The following KRTAP10-3 variants were observed in gnomAD, a reference collection of about 807,000 sequenced individuals.
The protein encoded by KRTAP10-3 is keratin associated protein 10-3.
For missense variants in KRTAP10-3, 341 were observed against 293.4 expected, an observed-to-expected ratio of 1.16 and a Z score of -1.19; for synonymous variants, 151 against 126.2, an observed-to-expected ratio of 1.20 and a Z score of -1.32.
chr21:44,557,908 G>T lies in KRTAP10-3; in HGVS notation c.*142C>A. On this transcript the variant is annotated 3_prime_UTR_variant, in exon 1 of 1. Coordinates refer to ENST00000391620, the MANE Select transcript of KRTAP10-3 (RefSeq NM_198696.3). ...TGTGGGAGAGATGCATGCCTGGAGG[G>T]AATCGGCATGAAAGCTCAGCATTGC... 1 of 980,922 alleles carries T rather than the reference G, an allele frequency of 1.0e-6. No individual in the cohort carries two copies. Among genetic ancestry groups the T allele is most frequent in the Non-Finnish European group, 1.5e-6 (1 of 668,604 alleles). 60.8% of individuals were successfully genotyped at this position (980,922 alleles called of 1,614,324 possible).
In KRTAP10-3 at chr21:44,558,350, G is replaced by A. The variant is rs371081409; in HGVS notation, c.366C>T (p.Pro122=). The stretch of plus-strand genomic sequence containing the variant: ...CAGAGCAGACGGGCACACAGCAGAT[G>A]GGCTTGCAGCAGACAGGCTTGCAGC... The part of the protein sequence containing the change: ...PVCCKPVCCK[P]ICCVPVCSGA... The change falls in exon 1 of 1, where the codon CCC becomes CCT. Residue 122 remains proline, a synonymous_variant. Coordinates refer to ENST00000391620, the MANE Select transcript of KRTAP10-3 (RefSeq NM_198696.3). 16 of 1,613,370 alleles carry A rather than the reference G, an allele frequency of 9.9e-6. No individual in the cohort carries two copies. The African/African-American group carries it at 2.0e-4, about 20-fold the overall frequency.
In KRTAP10-3 at chr21:44,558,674, A is replaced by G. The variant is rs74513898; in HGVS notation, c.42T>C (p.Ser14=). 5,618 of 1,613,044 alleles carry G rather than the reference A, an allele frequency of 3.5e-3. 43 individuals carry two copies. Among genetic ancestry groups the G allele is most frequent in the African/African-American group, 0.033 (2,478 of 74,998 alleles). ...STMSVCSSAY[S]DSWQVDACPE... is the part of the protein sequence containing the mutation. Reference sequence around the variant, plus strand: ...GGCAGGCGTCCACCTGCCAGGAGTCAGAGTAAGCGCTGGAGCAGACGGACA... The same window carrying G: ...GGCAGGCGTCCACCTGCCAGGAGTCGGAGTAAGCGCTGGAGCAGACGGACA... Residue 14 remains serine (S), a synonymous_variant, in exon 1 of 1, where the codon TCT becomes TCC. Coordinates refer to ENST00000391620, the MANE Select transcript of KRTAP10-3 (RefSeq NM_198696.3).
At position 44,558,012 on chromosome 21, in the gene KRTAP10-3, T is replaced by C; in HGVS notation, c.*38A>G. The C allele has an allele frequency of 6.4e-7, 1 of 1,571,568 alleles. No individual in the cohort carries two copies. Among genetic ancestry groups the C allele is most frequent in the Non-Finnish European group, 8.6e-7 (1 of 1,157,904 alleles). ...TGCAAGGATTTTCGGAAGTCAGAGA[T>C]GGCCCTGGAACAACTCTGGAGAAAC... On this transcript the variant is annotated 3_prime_UTR_variant, in exon 1 of 1. Coordinates refer to ENST00000391620, the MANE Select transcript of KRTAP10-3 (RefSeq NM_198696.3).
At position 44,558,133 on chromosome 21, in the gene KRTAP10-3, C is replaced by T. The variant is rs587674426; in HGVS notation, c.583G>A (p.Val195Met). The T allele has an allele frequency of 9.3e-5, 150 of 1,613,020 alleles. No homozygotes were observed. In the Admixed American group the frequency reaches 2.0e-3, roughly 21 times the overall value. Residue 195 changes from valine to methionine, a missense_variant, in exon 1 of 1, where the codon GTG becomes ATG. Transcript: ENST00000391620. ...CACGTGGGGCGGCAGAGGAGGGACA[C>T]GCAGGAGGCCGGGCGGCAGCAGCTG... is the stretch of plus-strand genomic sequence containing the variant. Reference protein sequence around the residue: ...QPSCCRPASCVSLLCRPTCSR... With the variant: ...QPSCCRPASCMSLLCRPTCSR...
At position 44,558,647 on chromosome 21, in the gene KRTAP10-3, T is replaced by C. The variant is rs782145535; in HGVS notation, c.69A>G (p.Pro23=). 10 of 1,613,086 alleles carry C rather than the reference T, an allele frequency of 6.2e-6. No individual in the cohort carries two copies. The highest frequency in any genetic ancestry group is 1.7e-5 in the Admixed American group (1 of 59,986). ...YSDSWQVDAC[P]ESCCEPPCCA... is the part of the protein sequence containing the mutation. ...AGCAGGGGGGCTCACAGCAGCTCTC[T>C]GGGCAGGCGTCCACCTGCCAGGAGT... The change falls in exon 1 of 1, where the codon CCA becomes CCG. Residue 23 remains proline (P), a synonymous_variant. Transcript: ENST00000391620.
chr21:44,558,291 C>G lies in KRTAP10-3; in HGVS notation c.425G>C (p.Arg142Pro), dbSNP rs75399200. Reference protein sequence around the residue: ...ASSSCCQQSSRQPACCTTSCC... With the variant: ...ASSSCCQQSSPQPACCTTSCC... ...GGAGGTGGTGCAGCAAGCCGGCTGG[C>G]GGCTAGACTGCTGGCAGCATGAAGA... Residue 142 changes from arginine (R) to proline (P), a missense_variant, in exon 1 of 1, where the codon CGC becomes CCC. By Grantham distance (103) the Arg-to-Pro change is moderately radical. Transcript: ENST00000391620. 4.1e-4 allele frequency: 658 copies of G among 1,614,112 alleles called. 3 individuals carry two copies. The African/African-American group carries it at 7.9e-3, about 19-fold the overall frequency.
At position 44,557,881 on chromosome 21, in the gene KRTAP10-3, G is replaced by A. The variant is rs1408018165; in HGVS notation, c.*169C>T. The A allele has an allele frequency of 1.7e-5, 13 of 778,300 alleles. No individual in the cohort carries two copies. The highest frequency in any genetic ancestry group is 2.7e-5 in the Non-Finnish European group (13 of 489,962). 48.2% of individuals were successfully genotyped at this position (778,300 alleles called of 1,614,324 possible). ...ACCGGCTGGCCAGCATGGAGATGAG[G>A]GTGTGGGAGAGATGCATGCCTGGAG... is the stretch of plus-strand genomic sequence containing the variant. On this transcript the variant is annotated 3_prime_UTR_variant, in exon 1 of 1. Transcript: ENST00000391620.
rs144613025 is a variant in KRTAP10-3, at chr21:44,558,683, G to A, written c.33C>T (p.Ser11=). 1,475 of 1,612,298 alleles carry A rather than the reference G, an allele frequency of 9.1e-4. 6 individuals are homozygous for A. The highest frequency in any genetic ancestry group is 6.1e-3 in the East Asian group (274 of 44,878). Residue 11 remains serine, a synonymous_variant, in exon 1 of 1, where the codon AGC becomes AGT. Transcript: ENST00000391620. The stretch of plus-strand genomic sequence containing the variant: ...CCACCTGCCAGGAGTCAGAGTAAGC[G>A]CTGGAGCAGACGGACATGGTAGACG... The part of the protein sequence containing the change: MATSTMSVCS[S]AYSDSWQVDA...
rs781992620 is a variant in KRTAP10-3, at chr21:44,558,290, G to A, written c.426C>T (p.Arg142=). ...AGGAGGTGGTGCAGCAAGCCGGCTG[G>A]CGGCTAGACTGCTGGCAGCATGAAG... The part of the protein sequence containing the change: ...ASSSCCQQSS[R]QPACCTTSCC... Residue 142 remains arginine (R), a synonymous_variant, in exon 1 of 1, where the codon CGC becomes CGT. Coordinates refer to ENST00000391620, the MANE Select transcript of KRTAP10-3 (RefSeq NM_198696.3). 2.2e-5 allele frequency: 36 copies of A among 1,614,052 alleles called. No homozygotes were observed. Among genetic ancestry groups the A allele is most frequent in the Admixed American group, 8.3e-5 (5 of 60,018 alleles).
rs377549 is a variant in KRTAP10-3, at chr21:44,558,616, T to A, written c.100A>T (p.Thr34Ser). 2 of 1,612,282 alleles carry A rather than the reference T, an allele frequency of 1.2e-6. No homozygotes were observed. The highest frequency in any genetic ancestry group is 3.3e-5 in the Admixed American group (2 of 59,968). ...CAGGGGGCCGGGGCGCAGCAGCTGGTGGCGCAGCAGGGGGGCTCACAGCAG... is the reference window on the plus strand; with the variant it reads ...CAGGGGGCCGGGGCGCAGCAGCTGGAGGCGCAGCAGGGGGGCTCACAGCAG... Reference protein sequence around the residue: ...ESCCEPPCCATSCCAPAPCLT... With the variant: ...ESCCEPPCCASSCCAPAPCLT... Residue 34 changes from threonine (T) to serine (S), a missense_variant, in exon 1 of 1, where the codon ACC becomes TCC. Thr to Ser is a moderately conservative substitution (Grantham distance 58, BLOSUM62 1). Coordinates refer to ENST00000391620, the MANE Select transcript of KRTAP10-3 (RefSeq NM_198696.3).
In KRTAP10-3 at chr21:44,557,901, C is replaced by T; in HGVS notation, c.*149G>A. The T allele has an allele frequency of 1.1e-6, 1 of 950,812 alleles. No homozygotes were observed. The highest frequency in any genetic ancestry group is 1.7e-5 in the African/African-American group (1 of 60,184). The allele number at this position is 950,812 out of a possible 1,614,324, so 58.9% of individuals were successfully genotyped here. A position where few individuals can be genotyped will look rare whatever the true frequency, so the allele number is the denominator to read the frequency against. ...ATGAGGGTGTGGGAGAGATGCATGCCTGGAGGGAATCGGCATGAAAGCTCA... is the reference window on the plus strand; with the variant it reads ...ATGAGGGTGTGGGAGAGATGCATGCTTGGAGGGAATCGGCATGAAAGCTCA... On this transcript the variant is annotated 3_prime_UTR_variant, in exon 1 of 1. Coordinates refer to ENST00000391620, the MANE Select transcript of KRTAP10-3 (RefSeq NM_198696.3).
At position 44,557,792 on chromosome 21, in the gene KRTAP10-3, G is replaced by T; in HGVS notation, c.*258C>A. On this transcript the variant is annotated 3_prime_UTR_variant, in exon 1 of 1. Coordinates refer to ENST00000391620, the MANE Select transcript of KRTAP10-3 (RefSeq NM_198696.3). ...AGATATGCAAAAAAGACCTCTGAGAGGGCACATTGGTGACTTTATTTGTTG... is the reference window on the plus strand; with the variant it reads ...AGATATGCAAAAAAGACCTCTGAGATGGCACATTGGTGACTTTATTTGTTG... 1.8e-6 allele frequency: 1 copy of T among 544,272 alleles called. No homozygotes were observed. The highest frequency in any genetic ancestry group is 1.9e-5 in the African/African-American group (1 of 53,392). The allele number at this position is 544,272 out of a possible 1,614,324, so 33.7% of individuals were successfully genotyped here.
In KRTAP10-3 at chr21:44,558,711, G is replaced by A. The variant is rs781789325; in HGVS notation, c.5C>T (p.Ala2Val). The change falls in exon 1 of 1, where the codon GCC becomes GTC. Residue 2 changes from alanine (A) to valine (V), a missense_variant. By Grantham distance (64) the Ala-to-Val change is moderately conservative (BLOSUM62 0). Coordinates refer to ENST00000391620, the MANE Select transcript of KRTAP10-3 (RefSeq NM_198696.3). The stretch of plus-strand genomic sequence containing the variant: ...GGAGCAGACGGACATGGTAGACGTG[G>A]CCATGCTGGGGTGGGGAGGAGGTGA... M[A>V]TSTMSVCSSA... 2.5e-6 allele frequency: 4 copies of A among 1,594,868 alleles called. No individual in the cohort carries two copies. The African/African-American group carries it at 5.3e-5, about 21-fold the overall frequency.
Position 44,557,940 on chromosome 21 carries a change from G to A in KRTAP10-3, c.*110C>T. The A allele has an allele frequency of 1.6e-6, 2 of 1,254,528 alleles. No homozygotes were observed. Among genetic ancestry groups the A allele is most frequent in the Non-Finnish European group, 2.2e-6 (2 of 906,276 alleles). 77.7% of individuals were successfully genotyped at this position (1,254,528 alleles called of 1,614,324 possible). On this transcript the variant is annotated 3_prime_UTR_variant, in exon 1 of 1. Transcript: ENST00000391620. ...CATGAAAGCTCAGCATTGCTGGCTG[G>A]AGGTGCAGTGGCTATGGGCAGAGGA...
Position 44,558,075 on chromosome 21 carries a change from G to C in KRTAP10-3, c.641C>G (p.Ser214Cys), listed in dbSNP as rs1555920129. ...TCAGCAGCTGGACTTCTGGCCTGAG[G>C]AGAGGCCGCAGCACGCGGAAGAGAG... The part of the protein sequence containing the change: ...SRLSSACCGL[S>C]SGQKSSC The change falls in exon 1 of 1, where the codon TCC becomes TGC. Residue 214 changes from serine (S) to cysteine (C), a missense_variant. Coordinates refer to ENST00000391620, the MANE Select transcript of KRTAP10-3 (RefSeq NM_198696.3). 3.7e-6 allele frequency: 6 copies of C among 1,610,576 alleles called. No homozygotes were observed. The highest frequency in any genetic ancestry group is 2.2e-5 in the South Asian group (2 of 90,514).
rs782447296 is a variant in KRTAP10-3 at position 44,558,350 on chromosome 21, GGGCTTGCAGCAGACA to G, written c.351_365del (p.Val118_Pro122del). 198 of 1,613,366 alleles carry G rather than the reference GGGCTTGCAGCAGACA, an allele frequency of 1.2e-4. 1 individual carries two copies. Among genetic ancestry groups the G allele is most frequent in the African/African-American group, 9.8e-4 (73 of 74,808 alleles). Reference sequence around the variant, plus strand: ...CAGAGCAGACGGGCACACAGCAGATGGGCTTGCAGCAGACAGGCTTGCAGCAGACGGGCACACAGC... The same window carrying G: ...CAGAGCAGACGGGCACACAGCAGATGGGCTTGCAGCAGACGGGCACACAGC... On this transcript the variant is annotated inframe_deletion, in exon 1 of 1. Coordinates refer to ENST00000391620, the MANE Select transcript of KRTAP10-3 (RefSeq NM_198696.3).
rs199987981 is a variant in KRTAP10-3 at position 44,558,117 on chromosome 21, C to A, written c.599G>T (p.Arg200Leu). ...RPASCVSLLC[R>L]PTCSRLSSAC... Reference sequence around the variant, plus strand: ...GGAAGAGAGGCGGGAGCACGTGGGGCGGCAGAGGAGGGACACGCAGGAGGC... The same window carrying A: ...GGAAGAGAGGCGGGAGCACGTGGGGAGGCAGAGGAGGGACACGCAGGAGGC... Residue 200 changes from arginine to leucine, a missense_variant, in exon 1 of 1, where the codon CGC becomes CTC. Arg to Leu is a moderately radical substitution (Grantham distance 102, BLOSUM62 -2). Coordinates refer to ENST00000391620, the MANE Select transcript of KRTAP10-3 (RefSeq NM_198696.3). 2 of 1,611,244 alleles carry A rather than the reference C, an allele frequency of 1.2e-6. No individual in the cohort carries two copies. The highest frequency in any genetic ancestry group is 3.3e-5 in the Admixed American group (2 of 59,814).
In KRTAP10-3 at chr21:44,558,335, G is replaced by A. The variant is rs782439819; in HGVS notation, c.381C>T (p.Pro127=). The change falls in exon 1 of 1, where the codon CCC becomes CCT. Residue 127 remains proline (P), a synonymous_variant. Transcript: ENST00000391620. ...ATGAAGAGGAAGCCCCAGAGCAGAC[G>A]GGCACACAGCAGATGGGCTTGCAGC... is the stretch of plus-strand genomic sequence containing the variant. ...PVCCKPICCV[P]VCSGASSSCC... is the part of the protein sequence containing the mutation. 697 of 1,613,268 alleles carry A rather than the reference G, an allele frequency of 4.3e-4. 2 individuals carry two copies. The highest frequency in any genetic ancestry group is 3.5e-4 in the Non-Finnish European group (409 of 1,179,606).
chr21:44,558,110 C>T lies in KRTAP10-3; in HGVS notation c.606G>A (p.Thr202=), dbSNP rs374239737. ...ASCVSLLCRP[T]CSRLSSACCG... is the part of the protein sequence containing the mutation. ...AGCACGCGGAAGAGAGGCGGGAGCA[C>T]GTGGGGCGGCAGAGGAGGGACACGC... Residue 202 remains threonine (T), a synonymous_variant, in exon 1 of 1, where the codon ACG becomes ACA. Coordinates refer to ENST00000391620, the MANE Select transcript of KRTAP10-3 (RefSeq NM_198696.3). 1.1e-4 allele frequency: 174 copies of T among 1,611,238 alleles called. No homozygotes were observed. Among genetic ancestry groups the T allele is most frequent in the Non-Finnish European group, 1.0e-4 (118 of 1,178,184 alleles).
Sources: gnomAD v4.1 joint callset for allele counts on GRCh38, gnomAD v4.1.1 for gene constraint, MANE v1.5 for transcripts, NCBI Gene and HGNC (gene_info 2026-07-23, HGNC 2026-07-21) for gene names.